The following OLFM1 variants were observed in gnomAD, a reference collection of about 807,000 sequenced individuals.
OLFM1 encodes noelin.
A neutral mutation model predicts 49.7 loss-of-function variants in OLFM1; 9 were observed. The observed-to-expected ratio is 0.18, with a 90% CI of 0.11 to 0.32. The LOEUF is 0.32. OLFM1 is among the 10% of genes least tolerant of loss of function. The probability of loss-of-function intolerance (pLI) is 1.00; values close to 1 mark genes in which losing one functional copy is unlikely to be tolerated. For missense variants in OLFM1, 369 were observed against 661.8 expected, an observed-to-expected ratio of 0.56 and a Z score of 4.85; for synonymous variants, 240 against 271.8, an observed-to-expected ratio of 0.88 and a Z score of 1.15.
chr9:135,113,168 T>C lies in OLFM1; in HGVS notation c.783+6313T>C, dbSNP rs541467275. ...TCTGGGCCTCTCTGAAGTGGGGATT[T>C]GGGGACGGGGTCCCTAAGCCTCTGT... is the stretch of plus-strand genomic sequence containing the variant. On this transcript the variant is annotated intron_variant, in intron 5 of 5. Transcript: ENST00000371793. The surrounding 1 kb of genome is among the most constrained non-coding windows in gnomAD (Gnocchi z 4.0). 3.3e-5 allele frequency among the ~76,000 whole-genome samples: 5 copies of C among 152,220 alleles called. No homozygotes were observed. In the South Asian group the frequency reaches 1.0e-3, roughly 32 times the overall value.
At chr9:135,084,070 A>G (rs1457092894), upstream of OLFM1, among the ~76,000 whole-genome samples, 1 of 152,224 alleles carries the variant, frequency 6.6e-6, no homozygotes, top group Non-Finnish European at 1.5e-5. This position sits in a 1 kb window ranked among gnomAD's most constrained non-coding sequence, Gnocchi z 4.6. Context: ...AGGGGAGTAC[A>G]GGGAACACTT....
At chr9:135,090,807 C>T (rs1830675625) in intron 2 of OLFM1, among the ~76,000 whole-genome samples, 1 of 152,156 alleles carries the variant, frequency 6.6e-6, no homozygotes, top group Non-Finnish European at 1.5e-5. Context: ...TTGGATTTTA[C>T]GAGATGAGAT....
In OLFM1 at chr9:135,113,316, G is replaced by T. The variant is rs1390088960; in HGVS notation, c.784-6188G>T. ...CCCTACCGCCACGTCCCCACAGGTG[G>T]TCTTATGGCCTTCTTCCTTTGGGTG... is the stretch of plus-strand genomic sequence containing the variant. On this transcript the variant is annotated intron_variant, in intron 5 of 5. Coordinates refer to ENST00000371793, the MANE Select transcript of OLFM1 (RefSeq NM_001282611.2). This position sits in a 1 kb window ranked among gnomAD's most constrained non-coding sequence, Gnocchi z 4.0. Among the ~76,000 whole-genome samples, 1 of 152,158 alleles carries T rather than the reference G, an allele frequency of 6.6e-6. No homozygotes were observed. The highest frequency in any genetic ancestry group is 1.5e-5 in the Non-Finnish European group (1 of 68,022).
At chr9:135,111,608 G>A (rs557026343) in intron 5 of OLFM1, among the ~76,000 whole-genome samples, 15 of 152,292 alleles carry the variant, frequency 9.8e-5, no homozygotes, top group African/African-American at 3.6e-4. Flanking sequence ...TCCTGTGTGG[G>A]GTCCCTGTGG....
intron 4 of OLFM1, among the ~76,000 whole-genome samples, chr9:135,099,202 AT>A (rs1207274610): frequency 1.1e-4 from 16 of 152,178 alleles, no homozygotes; most frequent in Non-Finnish European, 2.1e-4. Flanking sequence ...TCAAATCCCA[AT>A]TCCACTTTTA....
chr9:135,100,127 G>A (rs186955276), intron 4 of OLFM1, among the ~76,000 whole-genome samples: 1 of 152,286 alleles, frequency 6.6e-6, no homozygotes, highest in Admixed American at 6.5e-5. Flanking sequence ...CATGAGCAGT[G>A]TCTTCCCTCC....
At chr9:135,084,529 A>G (rs1289985394), upstream of OLFM1, among the ~76,000 whole-genome samples, 1 of 134,124 alleles carries the variant, frequency 7.5e-6, no homozygotes, top group Non-Finnish European at 1.6e-5. This position sits in a 1 kb window ranked among gnomAD's most constrained non-coding sequence, Gnocchi z 4.6. Context: ...CTCTCTCTCC[A>G]TTTCTTTGTC....
In OLFM1 at chr9:135,119,914, C is replaced by T. The variant is rs540977890; in HGVS notation, c.1194C>T (p.Pro398=). The change falls in exon 6 of 6, where the codon CCC becomes CCT. Residue 398 remains proline (P), a synonymous_variant. Transcript: ENST00000371793. ...TGCAGACCTGGAACACGAGCTACCC[C>T]AAGCGCAGCGCCGGGGAGGCCTTCA... The part of the protein sequence containing the change: ...QTLQTWNTSY[P]KRSAGEAFII... 1.9e-4 allele frequency: 307 copies of T among 1,613,510 alleles called. No individual in the cohort carries two copies. The highest frequency in any genetic ancestry group is 4.2e-4 in the South Asian group (38 of 91,082).
At chr9:135,107,191 C>T (rs1288012387) in intron 5 of OLFM1, among the ~76,000 whole-genome samples, 1 of 152,242 alleles carries the variant, frequency 6.6e-6, no homozygotes, top group East Asian at 1.9e-4. Context: ...AAGTCCATTT[C>T]TCTGGAGCCG....
intron 5 of OLFM1, among the ~76,000 whole-genome samples, chr9:135,111,147 A>G (rs1233532387): frequency 6.6e-6 from 1 of 152,224 alleles, no homozygotes; most frequent in Non-Finnish European, 1.5e-5. Flanking sequence ...AGTTTTTCTT[A>G]TATGGGAAGC....
chr9:135,082,360 C>T (rs1380616100), intron 1 of OLFM1, among the ~76,000 whole-genome samples: 1 of 151,764 alleles, frequency 6.6e-6, no homozygotes, highest in Non-Finnish European at 1.5e-5. Context: ...GGAGTTTAAA[C>T]CCTGCCGCGG....
chr9:135,087,872 G>A lies in OLFM1; in HGVS notation c.-118G>A, dbSNP rs1830621525. On this transcript the variant is annotated 5_prime_UTR_variant, in exon 1 of 6. Transcript: ENST00000371793. ...GGCGGGCGGGCGGCGGCGGGCCGAG[G>A]GGGCGCGGGGACACAGCCAGGCGCC... is the stretch of plus-strand genomic sequence containing the variant. 11 of 987,272 alleles carry A rather than the reference G, an allele frequency of 1.1e-5. No individual in the cohort carries two copies. The African/African-American group carries it at 1.2e-4, about 11-fold the overall frequency. The allele number at this position is 987,272 out of a possible 1,614,324, so 61.2% of individuals were successfully genotyped here.
In OLFM1 at chr9:135,117,046, G is replaced by A. The variant is rs933159568; in HGVS notation, c.784-2458G>A. The stretch of plus-strand genomic sequence containing the variant: ...CTCCTGCAGCTCCAGAGCCCTCGAC[G>A]GATAAAGCAGCTGTCTCATTGCCAG... On this transcript the variant is annotated intron_variant, in intron 5 of 5. Transcript: ENST00000371793. The surrounding 1 kb of genome is among the most constrained non-coding windows in gnomAD (Gnocchi z 5.5). Among the ~76,000 whole-genome samples the A allele has an allele frequency of 3.3e-5, 5 of 152,124 alleles. No homozygotes were observed. The highest frequency in any genetic ancestry group is 4.8e-5 in the African/African-American group (2 of 41,422).
chr9:135,087,467 G>C (rs569763212), upstream of OLFM1: 41 of 1,529,424 alleles, frequency 2.7e-5, no homozygotes, highest in South Asian at 4.6e-4. Context: ...GGGGGTGGTG[G>C]TGTGTCCGTC....
At chr9:135,100,950 T>G (rs1324523874) in intron 4 of OLFM1, among the ~76,000 whole-genome samples, 1 of 152,076 alleles carries the variant, frequency 6.6e-6, no homozygotes, top group Non-Finnish European at 1.5e-5. Context: ...GATTGATAGA[T>G]GATTGACACA....
upstream of OLFM1, among the ~76,000 whole-genome samples, chr9:135,083,347 A>G (rs1260671855): frequency 6.6e-6 from 1 of 152,196 alleles, no homozygotes; most frequent in African/African-American, 2.4e-5. Context: ...TATCCATGAA[A>G]GAGGCGTGGA....
At chr9:135,076,591 A>G in intron 1 of OLFM1, 1 of 1,076,154 alleles carries the variant, frequency 9.3e-7, no homozygotes, top group South Asian at 1.7e-5. Context: ...TTGCTTTGGC[A>G]CTATGGTGCT....
At chr9:135,087,568 G>C (rs145732091), upstream of OLFM1, 624 of 1,106,194 alleles carry the variant, frequency 5.6e-4, 2 homozygotes, top group African/African-American at 9.2e-3. Flanking sequence ...AGCCGAGCGA[G>C]AGGAAAAATC....
intron 1 of OLFM1, among the ~76,000 whole-genome samples, chr9:135,089,622 G>A (rs570864643): frequency 1.3e-5 from 2 of 152,344 alleles, no homozygotes; most frequent in East Asian, 3.9e-4. Context: ...GTGCCACGCT[G>A]CCGGCTGGGA....
Sources: allele counts gnomAD v4.1 joint callset (sites outside exome capture counted in the v4.1 genomes callset), GRCh38; gene constraint gnomAD v4.1.1; non-coding constraint Gnocchi (gnomAD v3.1); transcripts MANE v1.5; gene names NCBI Gene and HGNC (gene_info 2026-07-23, HGNC 2026-07-21).